The following PCDHA10 variants were observed in gnomAD, a reference collection of about 807,000 sequenced individuals.
PCDHA10 encodes the protein protocadherin alpha-10.
A neutral mutation model predicts 61.2 loss-of-function variants in PCDHA10; 45 were observed. The observed-to-expected ratio is 0.74, with a 90% CI of 0.58 to 0.94. PCDHA10 has a LOEUF of 0.94. PCDHA10 is among the 40% of genes least tolerant of loss of function. PCDHA10 has a pLI of 0.00. For missense variants in PCDHA10, 1,278 were observed against 1,236.2 expected, an observed-to-expected ratio of 1.03 and a Z score of -0.51; for synonymous variants, 602 against 548.8, an observed-to-expected ratio of 1.10 and a Z score of -1.35.
chr5:140,975,890 T>C (rs542825387), intron 1 of PCDHA10, among the ~76,000 whole-genome samples: 1 of 152,310 alleles, frequency 6.6e-6, no homozygotes, highest in South Asian at 2.1e-4. Flanking sequence ...TTTCCACATA[T>C]GGAGTTTTGT....
At position 140,856,920 on chromosome 5, in the gene PCDHA10, A is replaced by T. The variant is rs1554149295; in HGVS notation, c.872A>T (p.Lys291Ile). The change falls in exon 1 of 4, where the codon AAA becomes ATA. Residue 291 changes from lysine to isoleucine, a missense_variant. Coordinates refer to ENST00000307360, the MANE Select transcript of PCDHA10 (RefSeq NM_018901.4). ...TTGGTCCCACCCACGATAAGAAGGA[A>T]ATTTTGGATAAACGAAAGGACGGGA... ...SSLVPPTIRR[K>I]FWINERTGEI... is the part of the protein sequence containing the mutation. The T allele has an allele frequency of 6.3e-7, 1 of 1,595,604 alleles. No individual in the cohort carries two copies. Among genetic ancestry groups the T allele is most frequent in the Admixed American group, 1.7e-5 (1 of 59,256 alleles).
intron 1 of PCDHA10, among the ~76,000 whole-genome samples, chr5:140,908,560 C>T (rs1562965261): frequency 6.6e-6 from 1 of 152,198 alleles, no homozygotes; most frequent in Non-Finnish European, 1.5e-5. Context: ...AGGCCAAGAG[C>T]TGTCTCTCAA....
chr5:140,905,980 G>A (rs2072263534), intron 1 of PCDHA10, among the ~76,000 whole-genome samples: 1 of 152,178 alleles, frequency 6.6e-6, no homozygotes, highest in Non-Finnish European at 1.5e-5. Context: ...CAGCATGGGA[G>A]AAAGATGTAG....
chr5:140,929,460 C>A, intron 1 of PCDHA10: 1 of 1,331,154 alleles, frequency 7.5e-7, no homozygotes, highest in Non-Finnish European at 1.0e-6. Context: ...ACTTCCTGTG[C>A]CAAGAAATCT....
At chr5:140,870,870 G>T in intron 1 of PCDHA10, 1 of 1,613,948 alleles carries the variant, frequency 6.2e-7, no homozygotes, top group African/African-American at 1.3e-5. Flanking sequence ...CGGGCCACGT[G>T]GTGGCGAAGG....
chr5:140,869,189 G>T (rs1554162601), intron 1 of PCDHA10: 1 of 1,613,836 alleles, frequency 6.2e-7, no homozygotes, highest in African/African-American at 1.3e-5. Flanking sequence ...GTGGGGAGCG[G>T]CCAGCTCCAC....
At position 141,009,807 on chromosome 5, in the gene PCDHA10, T is replaced by C. The variant is rs1554262456; in HGVS notation, c.2717T>C (p.Ile906Thr). ...CGGCAGGAGCCTACTAACAGCCAAA[T>C]TGACAAAAGTGACTTCATAACCTTC... is the stretch of plus-strand genomic sequence containing the variant. ...SIRQEPTNSQIDKSDFITFGK... is the reference protein window; with the variant it reads ...SIRQEPTNSQTDKSDFITFGK... Residue 906 changes from isoleucine to threonine, a missense_variant, in exon 4 of 4, where the codon ATT (isoleucine) becomes ACT (threonine). Ile to Thr is a moderately conservative substitution (Grantham distance 89). Transcript: ENST00000307360. 9.9e-6 allele frequency: 16 copies of C among 1,613,824 alleles called. No homozygotes were observed. Among genetic ancestry groups the C allele is most frequent in the South Asian group, 1.1e-5 (1 of 91,066 alleles).
intron 1 of PCDHA10, chr5:140,928,095 G>A (rs782045221): frequency 6.2e-7 from 1 of 1,614,190 alleles, no homozygotes; most frequent in African/African-American, 1.3e-5. Flanking sequence ...TGATTGATGG[G>A]CCCCTGGACC....
chr5:140,969,404 G>A (rs1345885868), intron 1 of PCDHA10: 2 of 1,577,250 alleles, frequency 1.3e-6, no homozygotes, highest in Admixed American at 1.9e-5. Context: ...CTGTGATTTG[G>A]CTTTATTGAG....
chr5:140,915,937 G>A (rs782632336), intron 1 of PCDHA10, among the ~76,000 whole-genome samples: 7 of 152,104 alleles, frequency 4.6e-5, no homozygotes, highest in African/African-American at 7.2e-5. Flanking sequence ...GTCAGGGATT[G>A]GAGTCAAAAT....
intron 1 of PCDHA10, among the ~76,000 whole-genome samples, chr5:140,931,177 A>G (rs1288307941): frequency 1.3e-5 from 2 of 152,200 alleles, no homozygotes; most frequent in African/African-American, 4.8e-5. Context: ...ATTTTAGGGA[A>G]GGAAATTGGT....
chr5:140,933,522 T>A (rs1399438253), intron 1 of PCDHA10, among the ~76,000 whole-genome samples: 3 of 152,066 alleles, frequency 2.0e-5, no homozygotes, highest in Non-Finnish European at 4.4e-5. Flanking sequence ...AGCTGTTTTG[T>A]TTAAACTCAA....
intron 3 of PCDHA10, among the ~76,000 whole-genome samples, chr5:141,007,658 A>G (rs2098338890): frequency 6.6e-6 from 1 of 152,098 alleles, no homozygotes; most frequent in Non-Finnish European, 1.5e-5. Context: ...AAAAACCATA[A>G]ATTTACAAAG....
intron 1 of PCDHA10, chr5:140,927,566 A>G: frequency 6.2e-7 from 1 of 1,614,168 alleles, no homozygotes; most frequent in Non-Finnish European, 8.5e-7. Flanking sequence ...ATTGTGGTGG[A>G]CACAAATGAC....
In PCDHA10 at chr5:141,011,117, C is replaced by A. The variant is rs1301385116; in HGVS notation, c.*1180C>A. The A allele has an allele frequency of 1.3e-5, 2 of 153,590 alleles. No homozygotes were observed. The highest frequency in any genetic ancestry group is 2.4e-5 in the African/African-American group (1 of 41,402). The allele number at this position is 153,590 out of a possible 1,614,324, so 9.5% of individuals were successfully genotyped here. The stretch of plus-strand genomic sequence containing the variant: ...CTCTCTCTCTCTCTTTTCTAAGAAA[C>A]AATTATGTGCACTTTGATACACAAC... On this transcript the variant is annotated 3_prime_UTR_variant, in exon 4 of 4. Coordinates refer to ENST00000307360, the MANE Select transcript of PCDHA10 (RefSeq NM_018901.4).
intron 1 of PCDHA10, among the ~76,000 whole-genome samples, chr5:140,964,913 A>G (rs1254329232): frequency 6.6e-6 from 1 of 152,202 alleles, no homozygotes; most frequent in African/African-American, 2.4e-5. Context: ...CTCTGGAATA[A>G]CACTGGCTAG....
intron 1 of PCDHA10, among the ~76,000 whole-genome samples, chr5:140,914,530 C>T (rs1305035760): frequency 1.3e-5 from 2 of 152,096 alleles, no homozygotes; most frequent in African/African-American, 2.4e-5. Flanking sequence ...ATCCATTCAG[C>T]CACTTTATTT....
intron 1 of PCDHA10, among the ~76,000 whole-genome samples, chr5:140,937,187 G>A (rs1443565443): frequency 6.6e-6 from 1 of 151,764 alleles, no homozygotes; most frequent in Non-Finnish European, 1.5e-5. Context: ...ACAGGCGCCC[G>A]CCACCATGCC....
chr5:140,909,711 A>G (rs1473634057), intron 1 of PCDHA10, among the ~76,000 whole-genome samples: 1 of 152,122 alleles, frequency 6.6e-6, no homozygotes, highest in Non-Finnish European at 1.5e-5. Context: ...TGCTAAGTAT[A>G]CCTATGCCAA....
Sources: allele counts gnomAD v4.1 joint callset (sites outside exome capture counted in the v4.1 genomes callset), GRCh38; gene constraint gnomAD v4.1.1; transcripts MANE v1.5; gene names NCBI Gene and HGNC (gene_info 2026-07-23, HGNC 2026-07-21).